ASTN2: variants seen among roughly 807,000 people sequenced by gnomAD.
The protein encoded by ASTN2 is astrotactin 2, also known as astrotactin-2.
Under a neutral mutation model 139.8 loss-of-function variants are expected in ASTN2, and 54 were observed. The ratio of observed to expected loss-of-function variants is 0.39; its 90% confidence interval spans 0.31 to 0.48. The LOEUF (loss-of-function observed/expected upper bound fraction) is 0.48, where lower values mean the gene tolerates loss of function less well. Ranked by LOEUF, ASTN2 falls within the 20% of genes least tolerant of loss-of-function variation. ASTN2 has a pLI of 0.95. For missense variants in ASTN2, 1,565 were observed against 1,725.1 expected (o/e 0.91, Z 1.64); for synonymous variants, 756 against 719.5 (o/e 1.05, Z -0.81).
intron 1 of ASTN2, among the ~76,000 whole-genome samples, chr9:117,355,585 A>G (rs1161688773): frequency 6.6e-6 from 1 of 152,156 alleles, no homozygotes; most frequent in Non-Finnish European, 1.5e-5. Flanking sequence ...GTGGAGGCTG[A>G]GGGGCTGCCA....
rs538259101 is a variant in ASTN2 at position 117,240,104 on chromosome 9, T to C, written c.631-25362A>G. ...TAGTAAGTCAGGGGCCATTTGTAGTTTCATACTTTTTTAAAATAAATACAG... is the reference window on the plus strand; with the variant it reads ...TAGTAAGTCAGGGGCCATTTGTAGTCTCATACTTTTTTAAAATAAATACAG... On this transcript the variant is annotated intron_variant, in intron 2 of 22. Coordinates refer to ENST00000313400, the MANE Select transcript of ASTN2 (RefSeq NM_001365068.1). Among the ~76,000 whole-genome samples the C allele has an allele frequency of 1.1e-4, 17 of 152,330 alleles. No homozygotes were observed. The East Asian group carries it at 2.7e-3, about 24-fold the overall frequency.
At chr9:117,176,525 G>T (rs1277474449) in intron 3 of ASTN2, among the ~76,000 whole-genome samples, 2 of 151,914 alleles carry the variant, frequency 1.3e-5, no homozygotes, top group Non-Finnish European at 2.9e-5. Context: ...AAAGTAATTT[G>T]TAACTAAAAA....
chr9:116,613,844 C>T (rs1855687465), intron 19 of ASTN2, among the ~76,000 whole-genome samples: 1 of 152,158 alleles, frequency 6.6e-6, no homozygotes, highest in African/African-American at 2.4e-5. Flanking sequence ...CTCACCACTC[C>T]TATTCAACAT....
At chr9:117,175,988 A>G (rs1057371229) in intron 3 of ASTN2, among the ~76,000 whole-genome samples, 2 of 152,040 alleles carry the variant, frequency 1.3e-5, no homozygotes, top group African/African-American at 4.8e-5. Context: ...GTTTTTAAAT[A>G]TGATTATTAT....
chr9:116,939,741 G>C (rs974981288), intron 10 of ASTN2, among the ~76,000 whole-genome samples: 1 of 152,142 alleles, frequency 6.6e-6, no homozygotes, highest in African/African-American at 2.4e-5. Context: ...GTCTCATAAA[G>C]CTCACAGCTC....
intron 19 of ASTN2, among the ~76,000 whole-genome samples, chr9:116,590,130 G>A (rs1033559745): frequency 6.6e-6 from 1 of 152,202 alleles, no homozygotes; most frequent in Non-Finnish European, 1.5e-5. Flanking sequence ...GCTAGGAACA[G>A]GTAGAAGCCC....
intron 3 of ASTN2, among the ~76,000 whole-genome samples, chr9:117,188,178 GAGAGAGAGAGAGAGAC>G (rs11268186): frequency 0.29 from 38,710 of 135,254 alleles, 4,981 homozygotes; most frequent in East Asian, 0.41. Context: ...GAGAGAGAGA[GAGAGAGAGAGAGAGAC>G]AGAGAGAGAG....
intron 16 of ASTN2, among the ~76,000 whole-genome samples, chr9:116,674,789 A>C (rs1053768625): frequency 1.3e-5 from 2 of 152,092 alleles, no homozygotes; most frequent in African/African-American, 4.8e-5. Context: ...GTGCAAGGAG[A>C]CAGCTTCAAC....
chr9:117,191,227 CAAAAAAA>C (rs35328157), intron 3 of ASTN2, among the ~76,000 whole-genome samples: 8 of 62,486 alleles, frequency 1.3e-4, no homozygotes, highest in South Asian at 6.6e-4. Context: ...TACAAAATAG[CAAAAAAA>C]AAAAAAAAAA....
At chr9:116,936,516 C>A (rs2132462038) in intron 10 of ASTN2, among the ~76,000 whole-genome samples, 1 of 152,326 alleles carries the variant, frequency 6.6e-6, no homozygotes, top group East Asian at 1.9e-4. Flanking sequence ...AGTGCTAGTA[C>A]TTGCACTTGA....
intron 10 of ASTN2, among the ~76,000 whole-genome samples, chr9:116,892,274 C>A (rs1441208156): frequency 6.6e-6 from 1 of 152,210 alleles, no homozygotes; most frequent in East Asian, 1.9e-4. Context: ...TTGATTCAGT[C>A]TAACGTCTCT....
chr9:116,933,257 T>A (rs1834960014), intron 10 of ASTN2, among the ~76,000 whole-genome samples: 1 of 152,158 alleles, frequency 6.6e-6, no homozygotes, highest in Non-Finnish European at 1.5e-5. Context: ...GCACCCCTCC[T>A]GGATTCTTCT....
intron 2 of ASTN2, among the ~76,000 whole-genome samples, chr9:117,238,158 G>A (rs1833100222): frequency 6.6e-6 from 1 of 152,144 alleles, no homozygotes; most frequent in South Asian, 2.1e-4. Flanking sequence ...AAGGAAGGAA[G>A]GGCAAAGACC....
chr9:116,652,943 T>A (rs1372432081), intron 16 of ASTN2, among the ~76,000 whole-genome samples: 1 of 152,204 alleles, frequency 6.6e-6, no homozygotes, highest in African/African-American at 2.4e-5. Flanking sequence ...ATCTCTTCTA[T>A]CAATGCTCCA....
chr9:116,502,828 G>A (rs1255817333), intron 19 of ASTN2, among the ~76,000 whole-genome samples: 1 of 146,956 alleles, frequency 6.8e-6, no homozygotes, highest in Non-Finnish European at 1.5e-5. Context: ...AGAGAATGAA[G>A]GAGGGAGGGA....
intron 1 of ASTN2, among the ~76,000 whole-genome samples, chr9:117,383,548 T>G (rs1830322807): frequency 6.6e-6 from 1 of 151,210 alleles, no homozygotes; most frequent in African/African-American, 2.4e-5. Context: ...GGGCTGGGGG[T>G]GGGGAGAATG....
At chr9:117,178,542 A>G (rs1301793497) in intron 3 of ASTN2, among the ~76,000 whole-genome samples, 1 of 152,190 alleles carries the variant, frequency 6.6e-6, no homozygotes, top group Admixed American at 6.5e-5. Context: ...AAATTCCCCA[A>G]CATCCCTCAC....
chr9:116,758,181 A>T (rs1829583561), intron 13 of ASTN2, among the ~76,000 whole-genome samples: 1 of 152,232 alleles, frequency 6.6e-6, no homozygotes, highest in Non-Finnish European at 1.5e-5. Context: ...CCTGGAATGT[A>T]GTAAGAAGTC....
chr9:116,646,013 T>C (rs1857571805), intron 17 of ASTN2, among the ~76,000 whole-genome samples: 2 of 152,240 alleles, frequency 1.3e-5, no homozygotes, highest in African/African-American at 2.4e-5. Flanking sequence ...TTGGACATTA[T>C]GCATTCATTA....
Sources: allele counts gnomAD v4.1 joint callset (sites outside exome capture counted in the v4.1 genomes callset), GRCh38; gene constraint gnomAD v4.1.1; transcripts MANE v1.5; gene names NCBI Gene and HGNC (gene_info 2026-07-23, HGNC 2026-07-21).